ADAM32: variants seen among roughly 807,000 people sequenced by gnomAD.
ADAM32 encodes the protein ADAM metallopeptidase domain 32.
ADAM32 carries 89 observed loss-of-function variants against 114.9 expected under a neutral mutation model. The ratio of observed to expected loss-of-function variants is 0.77; its 90% CI spans 0.65 to 0.92. The LOEUF is 0.92. Ranked by LOEUF, ADAM32 falls within the 40% of genes least tolerant of loss-of-function variation. The probability of loss-of-function intolerance (pLI) is 0.00; values close to 1 mark genes in which losing one functional copy is unlikely to be tolerated. For synonymous variants in ADAM32, 285 were observed against 307.5 expected (o/e 0.93, Z 0.77); for missense variants, 870 against 932.8 (o/e 0.93, Z 0.88).
intron 2 of ADAM32, chr8:39,131,979 C>T (rs940387853): frequency 3.8e-5 from 12 of 318,836 alleles, no homozygotes; most frequent in Non-Finnish European, 5.2e-5. Flanking sequence ...CCTCAATCTC[C>T]GTCTCCCGGG....
intron 12 of ADAM32, among the ~76,000 whole-genome samples, chr8:39,212,390 G>A (rs781722285): frequency 4.0e-5 from 6 of 151,894 alleles, no homozygotes; most frequent in South Asian, 2.1e-4. Context: ...TTAAGTGTAC[G>A]GGTTGATGAG....
At chr8:39,143,574 C>T (rs1803311713) in intron 3 of ADAM32, among the ~76,000 whole-genome samples, 1 of 152,146 alleles carries the variant, frequency 6.6e-6, no homozygotes, top group African/African-American at 2.4e-5. Flanking sequence ...CTGATCCTTC[C>T]TCTGGAAACT....
At chr8:39,111,745 A>G (rs1484914184) in intron 1 of ADAM32, among the ~76,000 whole-genome samples, 1 of 145,266 alleles carries the variant, frequency 6.9e-6, no homozygotes, top group Admixed American at 6.9e-5. Context: ...AAAAAAAAGG[A>G]AAAAAAAAAA....
chr8:39,129,285 C>T (rs1802299779), intron 2 of ADAM32, among the ~76,000 whole-genome samples: 1 of 151,942 alleles, frequency 6.6e-6, no homozygotes, highest in African/African-American at 2.4e-5. Context: ...TGCTTTGTTT[C>T]TATCTTGGGA....
intron 10 of ADAM32, among the ~76,000 whole-genome samples, chr8:39,182,365 G>GT (rs907438391): frequency 1.3e-4 from 20 of 152,216 alleles, no homozygotes; most frequent in South Asian, 1.2e-3. Flanking sequence ...GAGAAAGATT[G>GT]TTTTTTCTTT....
In ADAM32 at chr8:39,110,000, C is replaced by CTT. The variant is rs36004067; in HGVS notation, c.58+2175_58+2176dup. Among the ~76,000 whole-genome samples, 6 of 151,310 alleles carry CTT rather than the reference C, an allele frequency of 4.0e-5. No homozygotes were observed. In the South Asian group the frequency reaches 8.4e-4, roughly 21 times the overall value. The stretch of plus-strand genomic sequence containing the variant: ...ATCATATGTAGCCATTTTGGATGGA[C>CTT]TTTTTTTTTACTTAATAATATGCAT... On this transcript the variant is annotated intron_variant, in intron 1 of 24. Coordinates refer to ENST00000379907, the MANE Select transcript of ADAM32 (RefSeq NM_145004.7).
At chr8:39,241,391 C>T (rs993576497) in intron 16 of ADAM32, among the ~76,000 whole-genome samples, 2 of 152,236 alleles carry the variant, frequency 1.3e-5, no homozygotes, top group Non-Finnish European at 2.9e-5. Flanking sequence ...AGTAGGGACT[C>T]TGTGTGGGGG....
At position 39,261,089 on chromosome 8, in the gene ADAM32, C is replaced by G. The variant is rs554268089; in HGVS notation, c.2162+3746C>G. On this transcript the variant is annotated intron_variant, in intron 19 of 24. Coordinates refer to ENST00000379907, the MANE Select transcript of ADAM32 (RefSeq NM_145004.7). The stretch of plus-strand genomic sequence containing the variant: ...TGTATTGGGAGGAGTCAGTATCCTC[C>G]TTCTAGCTATTTGAAACTATATATT... Among the ~76,000 whole-genome samples, 8 of 152,164 alleles carry G rather than the reference C, an allele frequency of 5.3e-5. No individual in the cohort carries two copies. In the East Asian group the frequency reaches 1.5e-3, roughly 29 times the overall value.
chr8:39,279,571 C>T (rs1423355901), intron 22 of ADAM32, among the ~76,000 whole-genome samples: 1 of 152,202 alleles, frequency 6.6e-6, no homozygotes, highest in African/African-American at 2.4e-5. Flanking sequence ...CGTGAGCCAC[C>T]ATGCCCGGAC....
At chr8:39,204,900 C>A (rs771749594) in intron 11 of ADAM32, among the ~76,000 whole-genome samples, 1 of 152,172 alleles carries the variant, frequency 6.6e-6, no homozygotes, top group South Asian at 2.1e-4. Context: ...CACTCCAGAC[C>A]CTGTTTGCCT....
chr8:39,209,081 C>G (rs987406241), intron 11 of ADAM32, among the ~76,000 whole-genome samples: 1 of 151,558 alleles, frequency 6.6e-6, no homozygotes, highest in African/African-American at 2.4e-5. Context: ...ACTTTTCTAC[C>G]CCCTTTCTCT....
chr8:39,237,338 A>T (rs1376390392), intron 16 of ADAM32, among the ~76,000 whole-genome samples: 1 of 152,094 alleles, frequency 6.6e-6, no homozygotes, highest in African/African-American at 2.4e-5. Flanking sequence ...AAAAATTTTG[A>T]CTTAGTGTGA....
intron 2 of ADAM32, 134 bp downstream of exon 2, chr8:39,118,299 C>A: frequency 2.1e-6 from 1 of 472,086 alleles, no homozygotes; most frequent in Non-Finnish European, 3.5e-6. Context: ...GAATTAAAAG[C>A]TTTGATGGTA....
At chr8:39,169,133 G>A (rs542543646) in intron 9 of ADAM32, 8 of 152,322 alleles carry the variant, frequency 5.3e-5, no homozygotes, top group Middle Eastern at 3.4e-3. Flanking sequence ...TTCAAATTGA[G>A]AATTGAATTC....
chr8:39,133,056 C>T (rs1271371173), intron 2 of ADAM32, among the ~76,000 whole-genome samples: 4 of 151,598 alleles, frequency 2.6e-5, no homozygotes, highest in South Asian at 4.1e-4. Context: ...TACTTTTTTT[C>T]GGACCATGCT....
intron 19 of ADAM32, among the ~76,000 whole-genome samples, chr8:39,265,977 C>G (rs1235797289): frequency 6.6e-6 from 1 of 152,166 alleles, no homozygotes; most frequent in African/African-American, 2.4e-5. Context: ...TTTAAGGATG[C>G]TGAATATAGG....
intron 20 of ADAM32, among the ~76,000 whole-genome samples, chr8:39,273,457 G>A (rs1812866570): frequency 6.6e-6 from 1 of 152,172 alleles, no homozygotes; most frequent in African/African-American, 2.4e-5. Context: ...AGCCCAGGAT[G>A]CAGAGGTTGC....
In ADAM32 at chr8:39,151,524, T is replaced by C; in HGVS notation, c.501T>C (p.Asp167=). The C allele has an allele frequency of 6.3e-7, 1 of 1,577,284 alleles. No homozygotes were observed. Among genetic ancestry groups the C allele is most frequent in the Non-Finnish European group, 8.6e-7 (1 of 1,166,886 alleles). ...GAAGCCTGAAAGAACAACCAATGGA[T>C]GACAACATTTTTATAAGTGAAAAAG... ...IDRSLKEQPM[D]DNIFISEKSE... The change falls in exon 6 of 25, where the codon GAT becomes GAC. Residue 167 remains aspartate (D), a synonymous_variant. Coordinates refer to ENST00000379907, the MANE Select transcript of ADAM32 (RefSeq NM_145004.7).
intron 19 of ADAM32, among the ~76,000 whole-genome samples, chr8:39,260,380 G>A (rs1250509200): frequency 6.6e-6 from 1 of 151,952 alleles, no homozygotes; most frequent in Non-Finnish European, 1.5e-5. Context: ...ATGGTGAGAG[G>A]GGCTTCTTGT....
Sources: allele counts gnomAD v4.1 joint callset (sites outside exome capture counted in the v4.1 genomes callset), GRCh38; gene constraint gnomAD v4.1.1; transcripts MANE v1.5; gene names NCBI Gene and HGNC (gene_info 2026-07-23, HGNC 2026-07-21).